Variants in KCNMB2 observed in about 807,000 individuals in gnomAD.
KCNMB2 encodes calcium-activated potassium channel subunit beta-2.
In KCNMB2, 9 loss-of-function variants were observed where a neutral mutation model predicts 24.5. The observed-to-expected ratio is 0.37, with a 90% CI of 0.22 to 0.64. The LOEUF (loss-of-function observed/expected upper bound fraction) is 0.64, where lower values mean the gene tolerates loss of function less well. Ranked by LOEUF, KCNMB2 falls within the 30% of genes least tolerant of loss-of-function variation. The probability of loss-of-function intolerance (pLI) is 0.63; values close to 1 mark genes in which losing one functional copy is unlikely to be tolerated. For synonymous variants in KCNMB2, 109 were observed against 104.4 expected (o/e 1.04, Z -0.27); for missense variants, 226 against 284.3 (o/e 0.79, Z 1.47).
intron 1 of KCNMB2, among the ~76,000 whole-genome samples, chr3:178,592,549 C>T (rs1717711122): frequency 6.6e-6 from 1 of 152,044 alleles, no homozygotes; most frequent in African/African-American, 2.4e-5. Context: ...TGTTGGACAG[C>T]CACAAAGGCT....
chr3:178,687,814 T>A (rs1242927331), intron 1 of KCNMB2, among the ~76,000 whole-genome samples: 1 of 152,186 alleles, frequency 6.6e-6, no homozygotes, highest in South Asian at 2.1e-4. Context: ...AAGAAAAAAA[T>A]TCAAAACTCT....
intron 1 of KCNMB2, among the ~76,000 whole-genome samples, chr3:178,696,407 A>G (rs1283657012): frequency 1.3e-5 from 2 of 152,188 alleles, no homozygotes; most frequent in African/African-American, 4.8e-5. Context: ...ATATTCTCTG[A>G]TGGTTGTTTG....
intron 1 of KCNMB2, among the ~76,000 whole-genome samples, chr3:178,701,865 C>T (rs986279698): frequency 2.0e-5 from 3 of 152,114 alleles, no homozygotes; most frequent in African/African-American, 7.2e-5. Flanking sequence ...TGTGGTGATT[C>T]CTCAGGGATC....
At chr3:178,637,318 C>A (rs9874283) in intron 1 of KCNMB2, among the ~76,000 whole-genome samples, 1 of 152,012 alleles carries the variant, frequency 6.6e-6, no homozygotes. Context: ...TACACTCCCA[C>A]TAACATTGTA....
At chr3:178,833,044 TTTTCC>T (rs1220262457) in intron 4 of KCNMB2, among the ~76,000 whole-genome samples, 25 of 23,084 alleles carry the variant, frequency 1.1e-3, no homozygotes, top group African/African-American at 2.7e-3. Flanking sequence ...CAATGTCATC[TTTTCC>T]AAAAATTATT....
At chr3:178,789,935 G>A (rs1416264499) in intron 1 of KCNMB2, among the ~76,000 whole-genome samples, 2 of 151,812 alleles carry the variant, frequency 1.3e-5, no homozygotes, top group African/African-American at 4.8e-5. Context: ...GGCAACTAAG[G>A]GAGTACTTGT....
intron 1 of KCNMB2, among the ~76,000 whole-genome samples, chr3:178,663,729 A>G (rs765516341): frequency 1.3e-5 from 2 of 152,196 alleles, no homozygotes; most frequent in Non-Finnish European, 2.9e-5. Context: ...CTCATTTTGT[A>G]TAACACTTTA....
At chr3:178,608,024 A>G (rs1386426711) in intron 1 of KCNMB2, among the ~76,000 whole-genome samples, 1 of 152,212 alleles carries the variant, frequency 6.6e-6, no homozygotes, top group East Asian at 1.9e-4. Context: ...TATATTTTGA[A>G]TCATCCTAAA....
At chr3:178,834,707 T>C (rs1055408949) in intron 4 of KCNMB2, among the ~76,000 whole-genome samples, 2 of 152,152 alleles carry the variant, frequency 1.3e-5, no homozygotes, top group African/African-American at 2.4e-5. Flanking sequence ...TGACATCCCA[T>C]AATTAGCATC....
At chr3:178,692,581 C>T (rs746200939) in intron 1 of KCNMB2, among the ~76,000 whole-genome samples, 9 of 152,150 alleles carry the variant, frequency 5.9e-5, no homozygotes, top group Non-Finnish European at 1.3e-4. Flanking sequence ...TCTGGGCTCC[C>T]TATTCTGCTC....
At chr3:178,665,434 A>C (rs1720684571) in intron 1 of KCNMB2, among the ~76,000 whole-genome samples, 1 of 152,166 alleles carries the variant, frequency 6.6e-6, no homozygotes, top group Non-Finnish European at 1.5e-5. Flanking sequence ...GTTTTTTTTA[A>C]AGGTTTTTAC....
chr3:178,574,419 T>C (rs951456701), intron 1 of KCNMB2, among the ~76,000 whole-genome samples: 8 of 152,350 alleles, frequency 5.3e-5, no homozygotes, highest in African/African-American at 1.9e-4. Context: ...TTTCTTCATG[T>C]TCAACTTGTC....
At chr3:178,700,740 A>G (rs1227127145) in intron 1 of KCNMB2, among the ~76,000 whole-genome samples, 1 of 151,806 alleles carries the variant, frequency 6.6e-6, no homozygotes. Flanking sequence ...CTCATCCCCA[A>G]TCACCAATAT....
chr3:178,688,832 TA>T (rs1721563788), intron 1 of KCNMB2, among the ~76,000 whole-genome samples: 2 of 152,296 alleles, frequency 1.3e-5, no homozygotes, highest in South Asian at 4.1e-4. Flanking sequence ...CAGACTTAAC[TA>T]AAGGTGGTAA....
At chr3:178,583,282 T>C (rs1431362917) in intron 1 of KCNMB2, among the ~76,000 whole-genome samples, 1 of 152,212 alleles carries the variant, frequency 6.6e-6, no homozygotes, top group African/African-American at 2.4e-5. Context: ...ATCTATTTGT[T>C]ATTTGCATTC....
At chr3:178,807,234 C>G (rs1456544544) in intron 1 of KCNMB2, 109 bp from the exon 2 acceptor site, 7 of 502,150 alleles carry the variant, frequency 1.4e-5, no homozygotes. Flanking sequence ...TAATATGCAG[C>G]CGGGATTGAA....
intron 1 of KCNMB2, among the ~76,000 whole-genome samples, chr3:178,666,280 T>G (rs1024683310): frequency 6.6e-6 from 1 of 152,108 alleles, no homozygotes; most frequent in African/African-American, 2.4e-5. Context: ...AGAAATACTG[T>G]GTCTAAATTT....
rs147662610 is a variant in KCNMB2, at chr3:178,818,997, C to T, written c.57-6591C>T. 4.7e-4 allele frequency among the ~76,000 whole-genome samples: 72 copies of T among 152,316 alleles called. No homozygotes were observed. In the Middle Eastern group the frequency reaches 0.02, roughly 43 times the overall value. ...TCCGTCAAAGGACTCTTAATCATCA[C>T]CATTTAAATCAAGTTATGGTCCCTA... On this transcript the variant is annotated intron_variant, in intron 2 of 4. Transcript: ENST00000452583.
intron 1 of KCNMB2, among the ~76,000 whole-genome samples, chr3:178,611,299 A>C (rs1464113967): frequency 1.3e-5 from 2 of 152,132 alleles, no homozygotes; most frequent in African/African-American, 4.8e-5. Flanking sequence ...GAATTTTTGC[A>C]GTATCAGTTG....
Sources: allele counts gnomAD v4.1 joint callset (sites outside exome capture counted in the v4.1 genomes callset), GRCh38; gene constraint gnomAD v4.1.1; transcripts MANE v1.5; gene names NCBI Gene and HGNC (gene_info 2026-07-23, HGNC 2026-07-21).